Variants in RBFOX1 observed in about 807,000 individuals in gnomAD.
The protein encoded by RBFOX1 is RNA binding protein fox-1 homolog 1.
In RBFOX1, 8 loss-of-function variants were observed where a neutral mutation model predicts 57.7. The observed-to-expected ratio is 0.14, with a 90% confidence interval of 0.08 to 0.25. The LOEUF (loss-of-function observed/expected upper bound fraction) is 0.25. RBFOX1 is among the 10% of genes least tolerant of loss of function. RBFOX1 has a pLI of 1.00. For missense variants in RBFOX1, 611 were observed against 548.5 expected (o/e 1.11, Z -1.14); for synonymous variants, 326 against 222.4 (o/e 1.47, Z -4.15).
chr16:7,301,289 C>T (rs1398365090), intron 4 of RBFOX1, among the ~76,000 whole-genome samples: 1 of 152,202 alleles, frequency 6.6e-6, no homozygotes, highest in African/African-American at 2.4e-5. Context: ...GGGAAGGGGA[C>T]TTGTCCCTGT....
intron 3 of RBFOX1, among the ~76,000 whole-genome samples, chr16:6,670,534 C>T (rs983674924): frequency 1.3e-5 from 2 of 152,064 alleles, no homozygotes; most frequent in Non-Finnish European, 2.9e-5. Flanking sequence ...AACATACCCC[C>T]AAAGAAAGCA....
intron 2 of RBFOX1, among the ~76,000 whole-genome samples, chr16:6,452,137 T>C (rs1391461475): frequency 2.0e-5 from 3 of 146,694 alleles, no homozygotes; most frequent in Non-Finnish European, 4.5e-5. Flanking sequence ...CATGACTCCA[T>C]CCATGGGTCC....
rs568707613 is a variant in RBFOX1 at position 5,461,122 on chromosome 16, G to A, written c.220-6094G>A. Among the ~76,000 whole-genome samples the A allele has an allele frequency of 2.6e-4, 39 of 152,276 alleles. No homozygotes were observed. The East Asian group carries it at 6.8e-3, about 26-fold the overall frequency. ...GTGCCTTCTATGAGATTGCAGACTGGAGAGGAAAACAGAAAGCCAGCTCCC... is the reference window on the plus strand; with the variant it reads ...GTGCCTTCTATGAGATTGCAGACTGAAGAGGAAAACAGAAAGCCAGCTCCC... On this transcript the variant is annotated intron_variant, in intron 1 of 2. Coordinates refer to the RBFOX1 transcript ENST00000585867.
At chr16:5,783,889 G>C (rs906622233) in intron 3 of RBFOX1, among the ~76,000 whole-genome samples, 1 of 152,192 alleles carries the variant, frequency 6.6e-6, no homozygotes, top group African/African-American at 2.4e-5. Flanking sequence ...TGGCTTTCAT[G>C]TGTGCATCCC....
chr16:6,398,161 G>A (rs1372406216), intron 2 of RBFOX1, among the ~76,000 whole-genome samples: 1 of 152,106 alleles, frequency 6.6e-6, no homozygotes, highest in Non-Finnish European at 1.5e-5. Context: ...CAGATCTCAT[G>A]AGAACTCACC....
chr16:6,442,571 G>GA (rs59089189), intron 2 of RBFOX1, among the ~76,000 whole-genome samples: 49,687 of 150,292 alleles, frequency 0.33, 9,261 homozygotes, highest in African/African-American at 0.51. Flanking sequence ...AAAAAGAAAA[G>GA]AAAAAAAAAG....
chr16:6,801,035 C>G (rs750244490), intron 3 of RBFOX1, among the ~76,000 whole-genome samples: 5 of 151,928 alleles, frequency 3.3e-5, no homozygotes, highest in African/African-American at 1.2e-4. Context: ...TTCAATGATA[C>G]TTAAACTTGA....
chr16:6,674,623 G>A (rs909160465), intron 3 of RBFOX1, among the ~76,000 whole-genome samples: 4 of 152,084 alleles, frequency 2.6e-5, no homozygotes, highest in East Asian at 3.9e-4. Flanking sequence ...TGCCCAGCCC[G>A]AATGGGCTCT....
chr16:7,161,638 A>T (rs1032878106), intron 4 of RBFOX1, among the ~76,000 whole-genome samples: 1 of 152,148 alleles, frequency 6.6e-6, no homozygotes. Flanking sequence ...GGAGCTTTCT[A>T]TGGAGGTAAG....
chr16:6,849,045 C>G (rs955749469), intron 3 of RBFOX1, among the ~76,000 whole-genome samples: 1 of 152,206 alleles, frequency 6.6e-6, no homozygotes, highest in African/African-American at 2.4e-5. Context: ...TGTCCCTGAA[C>G]CTGCAGATTT....
intron 4 of RBFOX1, among the ~76,000 whole-genome samples, chr16:5,911,904 T>C (rs2058610911): frequency 6.6e-6 from 1 of 152,104 alleles, no homozygotes; most frequent in Non-Finnish European, 1.5e-5. Context: ...TACCATCACC[T>C]TGGGGATTCG....
At chr16:7,063,312 A>G (rs1419998678) in intron 4 of RBFOX1, among the ~76,000 whole-genome samples, 2 of 151,870 alleles carry the variant, frequency 1.3e-5, no homozygotes, top group East Asian at 3.9e-4. Flanking sequence ...ACCCCAGGGG[A>G]CCACCCCCGT....
intron 3 of RBFOX1, among the ~76,000 whole-genome samples, chr16:5,731,224 C>G (rs909313129): frequency 3.3e-5 from 5 of 151,830 alleles, no homozygotes; most frequent in Non-Finnish European, 5.9e-5. Context: ...ATCAACAACA[C>G]TATCATTGTC....
intron 4 of RBFOX1, among the ~76,000 whole-genome samples, chr16:7,280,341 C>G (rs923368249): frequency 3.9e-5 from 6 of 152,192 alleles, no homozygotes; most frequent in Non-Finnish European, 7.3e-5. Context: ...TCCATAGACC[C>G]TAAGACTATT....
chr16:6,503,602 G>A (rs529411305), intron 2 of RBFOX1, among the ~76,000 whole-genome samples: 38 of 152,206 alleles, frequency 2.5e-4, no homozygotes, highest in African/African-American at 8.4e-4. Flanking sequence ...TGGCCTTTTC[G>A]GCAGGCTTGC....
intron 3 of RBFOX1, among the ~76,000 whole-genome samples, chr16:6,979,438 A>C (rs1226014459): frequency 6.6e-6 from 1 of 152,178 alleles, no homozygotes; most frequent in African/African-American, 2.4e-5. Flanking sequence ...CTTTGAACAG[A>C]AGAAATTACA....
chr16:6,950,439 T>A (rs187555555), intron 3 of RBFOX1, among the ~76,000 whole-genome samples: 23 of 152,260 alleles, frequency 1.5e-4, no homozygotes, highest in African/African-American at 5.5e-4. Context: ...ATTCAGCAGT[T>A]TGGTATCCTA....
In RBFOX1 at chr16:5,830,102, C is replaced by T. The variant is rs568788439; in HGVS notation, c.319-37201C>T. On this transcript the variant is annotated intron_variant, in intron 3 of 19. Transcript: ENST00000641259. ...CTTCAGGCTAGGATTGTCTAGCATC[C>T]ATCTTGTGGGCTGCAATGCTCATTT... Among the ~76,000 whole-genome samples the T allele has an allele frequency of 1.1e-3, 173 of 152,314 alleles. 2 individuals are homozygous for T. The highest frequency in any genetic ancestry group is 3.4e-3 in the Middle Eastern group (1 of 294).
At chr16:6,666,336 C>A (rs963691068) in intron 3 of RBFOX1, among the ~76,000 whole-genome samples, 2 of 152,068 alleles carry the variant, frequency 1.3e-5, no homozygotes, top group Admixed American at 1.3e-4. Flanking sequence ...GAGTTTGAAA[C>A]CAGCCTGGCC....
Sources: gnomAD v4.1 joint callset for allele counts (sites outside exome capture counted in the v4.1 genomes callset) on GRCh38, gnomAD v4.1.1 for gene constraint, MANE v1.5 for transcripts, NCBI Gene and HGNC (gene_info 2026-07-23, HGNC 2026-07-21) for gene names.